Variants in UBASH3A observed in about 807,000 individuals in gnomAD.
The protein encoded by UBASH3A is ubiquitin associated and SH3 domain containing A.
UBASH3A carries 63 observed loss-of-function variants against 73.5 expected under a neutral mutation model. The ratio of observed to expected loss-of-function variants is 0.86; its 90% CI spans 0.70 to 1.06. The LOEUF is 1.06. Ranked by LOEUF, UBASH3A falls within the 50% of genes least tolerant of loss-of-function variation. The probability of loss-of-function intolerance (pLI) is 0.00; values close to 1 mark genes in which losing one functional copy is unlikely to be tolerated. For synonymous variants in UBASH3A, 363 were observed against 351.1 expected (o/e 1.03, Z -0.38); for missense variants, 860 against 859.0 (o/e 1.00, Z -0.02).
chr21:42,410,252 G>T, intron 3 of UBASH3A: 1 of 687,058 alleles, frequency 1.5e-6, no homozygotes, highest in Non-Finnish European at 2.7e-6. Flanking sequence ...AAAAGAAGGA[G>T]AAGGGAGAGA....
intron 6 of UBASH3A, 97 bp from the exon 7 acceptor site, chr21:42,418,304 A>G: frequency 9.6e-7 from 1 of 1,043,830 alleles, no homozygotes; most frequent in Admixed American, 1.8e-5. Context: ...TTGGAGGGGC[A>G]GAAAGCAGGA....
intron 10 of UBASH3A, 193 bp downstream of exon 10, chr21:42,435,147 T>TG: frequency 3.6e-6 from 2 of 553,398 alleles, no homozygotes; most frequent in Non-Finnish European, 6.1e-6. Context: ...AAAGTGGCAA[T>TG]GTAGAGGTTT....
In UBASH3A at chr21:42,413,967, C is replaced by T. The variant is rs2053153348; in HGVS notation, c.667+444C>T. 6.6e-6 allele frequency among the ~76,000 whole-genome samples: 1 copy of T among 152,124 alleles called. No individual in the cohort carries two copies. The highest frequency in any genetic ancestry group is 1.5e-5 in the Non-Finnish European group (1 of 68,030). On this transcript the variant is annotated intron_variant, in intron 5 of 14. Coordinates refer to ENST00000319294, the MANE Select transcript of UBASH3A (RefSeq NM_018961.4). This position sits in a 1 kb window ranked among gnomAD's most constrained non-coding sequence, Gnocchi z 4.5. ...CAGAAGATGTGATTTTTTTCTGTGTCCCTGATGAGTGGCATGACCTTAATC... is the reference window on the plus strand; with the variant it reads ...CAGAAGATGTGATTTTTTTCTGTGTTCCTGATGAGTGGCATGACCTTAATC...
chr21:42,421,210 T>C (rs2053332364), intron 7 of UBASH3A, among the ~76,000 whole-genome samples: 1 of 152,208 alleles, frequency 6.6e-6, no homozygotes, highest in Non-Finnish European at 1.5e-5. Flanking sequence ...CTCAGCCTCA[T>C]GGGTGTGCCT....
At chr21:42,420,012 C>T (rs1168377720) in intron 7 of UBASH3A, among the ~76,000 whole-genome samples, 1 of 152,206 alleles carries the variant, frequency 6.6e-6, no homozygotes, top group Non-Finnish European at 1.5e-5. Flanking sequence ...ATAACCCCAT[C>T]TGAAGTTGAA....
At chr21:42,405,255 C>G (rs117624896) in intron 1 of UBASH3A, among the ~76,000 whole-genome samples, 1 of 152,108 alleles carries the variant, frequency 6.6e-6, no homozygotes, top group African/African-American at 2.4e-5. Context: ...CACCGGGCAC[C>G]GTCCAGGCAT....
In UBASH3A at chr21:42,428,226, C is replaced by T. The variant is rs2053472626; in HGVS notation, c.1170+1406C>T. Among the ~76,000 whole-genome samples, 3 of 152,302 alleles carry T rather than the reference C, an allele frequency of 2.0e-5. No homozygotes were observed. The South Asian group carries it at 6.2e-4, about 32-fold the overall frequency. On this transcript the variant is annotated intron_variant, in intron 8 of 14. Transcript: ENST00000319294. The stretch of plus-strand genomic sequence containing the variant: ...GGAGAGTAAACTTCTGCTGTGGAAG[C>T]TAAACAGTCAACCCACACGCAGCGT...
At chr21:42,428,444 G>A (rs552692930) in intron 8 of UBASH3A, among the ~76,000 whole-genome samples, 1 of 152,100 alleles carries the variant, frequency 6.6e-6, no homozygotes, top group Admixed American at 6.5e-5. Flanking sequence ...AGACTTGGGA[G>A]AGCCGAGACT....
At chr21:42,410,134 A>G (rs750656288) in intron 3 of UBASH3A, 119 of 702,332 alleles carry the variant, frequency 1.7e-4, no homozygotes, top group Non-Finnish European at 2.6e-4. Flanking sequence ...CGTCTGATTC[A>G]GAAAAAAAAT....
intron 3 of UBASH3A, among the ~76,000 whole-genome samples, chr21:42,411,159 C>A (rs1196349588): frequency 1.3e-5 from 2 of 151,308 alleles, no homozygotes; most frequent in Non-Finnish European, 2.9e-5. Context: ...CACACACATA[C>A]CTGCATACAG....
chr21:42,444,428 G>A lies in UBASH3A; in HGVS notation c.1739-106G>A, dbSNP rs114173349. On this transcript the variant is annotated intron_variant, in intron 13 of 14. Transcript: ENST00000319294. ...TAGCCCGGGGGTCTCGCCAGGCTTC[G>A]GGGCACTCTGAGATAGCTCTGCCCC... The A allele has an allele frequency of 1.3e-3, 1,066 of 833,160 alleles. 8 individuals carry two copies. The highest frequency in any genetic ancestry group is 0.011 in the African/African-American group (644 of 59,868). The allele number at this position is 833,160 out of a possible 1,614,324, so 51.6% of individuals were successfully genotyped here. A position where few individuals can be genotyped will look rare whatever the true frequency, so the allele number is the denominator to read the frequency against.
chr21:42,436,116 T>C (rs925602916), intron 10 of UBASH3A, among the ~76,000 whole-genome samples: 1 of 152,122 alleles, frequency 6.6e-6, no homozygotes, highest in Non-Finnish European at 1.5e-5. Flanking sequence ...TATAGAGTCA[T>C]AGTGTTACAG....
intron 1 of UBASH3A, 102 bp downstream of exon 1, chr21:42,404,160 C>A: frequency 1.7e-6 from 1 of 574,996 alleles, no homozygotes; most frequent in Non-Finnish European, 2.7e-6. Context: ...GTACGGCTTC[C>A]TGCCAAAGCA....
At chr21:42,423,382 G>A (rs367632997) in intron 7 of UBASH3A, among the ~76,000 whole-genome samples, 11 of 152,344 alleles carry the variant, frequency 7.2e-5, no homozygotes, top group African/African-American at 2.2e-4. Flanking sequence ...GAGAAGACTC[G>A]GGCCCAGGAG....
intron 2 of UBASH3A, among the ~76,000 whole-genome samples, chr21:42,408,727 G>A (rs549765418): frequency 2.0e-5 from 3 of 151,680 alleles, no homozygotes; most frequent in African/African-American, 7.3e-5. Flanking sequence ...GTCATCCGTC[G>A]TTTTTCCTTT....
chr21:42,424,747 T>A lies in UBASH3A; in HGVS notation c.1047-1950T>A, dbSNP rs553642315. Among the ~76,000 whole-genome samples, 6 of 152,338 alleles carry A rather than the reference T, an allele frequency of 3.9e-5. No individual in the cohort carries two copies. In the South Asian group the frequency reaches 1.2e-3, roughly 32 times the overall value. On this transcript the variant is annotated intron_variant, in intron 7 of 14. Coordinates refer to ENST00000319294, the MANE Select transcript of UBASH3A (RefSeq NM_018961.4). The stretch of plus-strand genomic sequence containing the variant: ...AAATTGCATTCTGCCAACATTCATA[T>A]GTGGAGGTCCTGACCCCTAACACCT...
rs555946796 is a variant in UBASH3A, at chr21:42,403,954, G to C, written c.9G>C (p.Ala3=). The change falls in exon 1 of 15, where the codon GCG becomes GCC. Residue 3 remains alanine (A), a synonymous_variant. Coordinates refer to ENST00000319294, the MANE Select transcript of UBASH3A (RefSeq NM_018961.4). MA[A]GETQLYAKVS... is the part of the protein sequence containing the mutation. Reference sequence around the variant, plus strand: ...CCTAAGGGCAGGAAGAGATGGCAGCGGGGGAGACGCAGCTCTACGCCAAGG... The same window carrying C: ...CCTAAGGGCAGGAAGAGATGGCAGCCGGGGAGACGCAGCTCTACGCCAAGG... The C allele has an allele frequency of 1.3e-5, 19 of 1,506,962 alleles. No individual in the cohort carries two copies. In the South Asian group the frequency reaches 1.9e-4, roughly 15 times the overall value. 93.3% of individuals were successfully genotyped at this position (1,506,962 alleles called of 1,614,324 possible).
intron 7 of UBASH3A, among the ~76,000 whole-genome samples, chr21:42,424,819 A>G (rs770570429): frequency 2.0e-4 from 30 of 152,226 alleles, no homozygotes; most frequent in Non-Finnish European, 4.0e-4. Context: ...GAGGTGACTA[A>G]GTTCAAATGA....
chr21:42,423,200 T>C (rs2053371945), intron 7 of UBASH3A, among the ~76,000 whole-genome samples: 1 of 152,172 alleles, frequency 6.6e-6, no homozygotes, highest in Admixed American at 6.5e-5. Flanking sequence ...CAGACACACA[T>C]TCAACCAACA....
Sources: gnomAD v4.1 joint callset for allele counts (sites outside exome capture counted in the v4.1 genomes callset) on GRCh38, gnomAD v4.1.1 for gene constraint, Gnocchi (gnomAD v3.1) non-coding constraint, MANE v1.5 for transcripts, NCBI Gene and HGNC (gene_info 2026-07-23, HGNC 2026-07-21) for gene names.